The following GABRA4 variants were observed in gnomAD, a reference collection of about 807,000 sequenced individuals.
GABRA4 encodes the protein gamma-aminobutyric acid type A receptor subunit alpha4.
A neutral mutation model predicts 49.7 loss-of-function variants in GABRA4; 12 were observed. That is an observed-to-expected ratio of 0.24 (90% CI 0.15 to 0.39). GABRA4 has a LOEUF of 0.39. Ranked by LOEUF, GABRA4 falls within the 10% of genes least tolerant of loss-of-function variation. GABRA4 has a pLI of 1.00. For missense variants in GABRA4, 506 were observed against 686.0 expected (o/e 0.74, Z 2.93); for synonymous variants, 288 against 240.2 (o/e 1.20, Z -1.84).
intron 5 of GABRA4, among the ~76,000 whole-genome samples, chr4:46,975,580 A>G (rs1723112271): frequency 6.6e-6 from 1 of 151,828 alleles, no homozygotes; most frequent in South Asian, 2.1e-4. Flanking sequence ...TTACCTGCTG[A>G]GTATGGTGTG....
chr4:46,931,765 T>C (rs369937183), intron 8 of GABRA4, among the ~76,000 whole-genome samples: 467 of 152,258 alleles, frequency 3.1e-3, no homozygotes, highest in Non-Finnish European at 5.5e-3. Context: ...TAAGAACAGG[T>C]CAGCCTGGGC....
At chr4:46,957,617 G>A (rs1722412559) in intron 8 of GABRA4, among the ~76,000 whole-genome samples, 1 of 151,920 alleles carries the variant, frequency 6.6e-6, no homozygotes, top group Non-Finnish European at 1.5e-5. Flanking sequence ...GAATTAATTT[G>A]CTTCTTCATT....
intron 8 of GABRA4, among the ~76,000 whole-genome samples, chr4:46,956,954 G>A (rs1722388985): frequency 6.6e-6 from 1 of 151,952 alleles, no homozygotes; most frequent in Non-Finnish European, 1.5e-5. Context: ...CGCTAAATAA[G>A]TACAGCAATC....
rs1721037609 is a variant in GABRA4, at chr4:46,921,588, C to T, written c.*6637G>A. ...ATCCAGATTTAATCTAGGTTTAATG[C>T]TTGATTCCAGTGACATCTGATATAC... On this transcript the variant is annotated 3_prime_UTR_variant, in exon 9 of 9. Transcript: ENST00000264318. The T allele has an allele frequency of 6.6e-6, 1 of 152,010 alleles. No homozygotes were observed. Among genetic ancestry groups the T allele is most frequent in the African/African-American group, 2.4e-5 (1 of 41,408 alleles). 9.4% of individuals were successfully genotyped at this position (152,010 alleles called of 1,614,324 possible). A position where few individuals can be genotyped will look rare whatever the true frequency, so the allele number is the denominator to read the frequency against.
At chr4:46,981,954 A>T (rs1475636558) in intron 2 of GABRA4, among the ~76,000 whole-genome samples, 1 of 152,112 alleles carries the variant, frequency 6.6e-6, no homozygotes, top group Non-Finnish European at 1.5e-5. Context: ...AGGGACTAGA[A>T]AGGAGGCCAG....
intron 8 of GABRA4, among the ~76,000 whole-genome samples, chr4:46,934,895 G>A (rs1721556899): frequency 2.0e-5 from 3 of 152,146 alleles, no homozygotes; most frequent in Admixed American, 2.0e-4. Context: ...TTGTTCAAAT[G>A]CTACCTGAAA....
At chr4:46,958,823 T>C (rs1451205738) in intron 8 of GABRA4, among the ~76,000 whole-genome samples, 2 of 151,936 alleles carry the variant, frequency 1.3e-5, no homozygotes, top group African/African-American at 2.4e-5. Flanking sequence ...ATAGGTCACA[T>C]ATAGTGATGA....
chr4:46,954,277 C>G (rs1170500532), intron 8 of GABRA4, among the ~76,000 whole-genome samples: 1 of 152,038 alleles, frequency 6.6e-6, no homozygotes, highest in Non-Finnish European at 1.5e-5. Context: ...TGTTAAAGAG[C>G]CGGGCACAGT....
intron 8 of GABRA4, among the ~76,000 whole-genome samples, chr4:46,960,879 A>G (rs1006563307): frequency 4.0e-5 from 6 of 151,792 alleles, no homozygotes; most frequent in Admixed American, 2.0e-4. Flanking sequence ...TGACTCAATA[A>G]TTAGAAAATA....
chr4:46,954,959 A>C (rs1722290908), intron 8 of GABRA4, among the ~76,000 whole-genome samples: 1 of 152,148 alleles, frequency 6.6e-6, no homozygotes, highest in Non-Finnish European at 1.5e-5. Flanking sequence ...ACAACATAAC[A>C]ACAGATGGCA....
chr4:46,941,695 G>A (rs1175440616), intron 8 of GABRA4, among the ~76,000 whole-genome samples: 3 of 152,160 alleles, frequency 2.0e-5, no homozygotes, highest in South Asian at 2.1e-4. Context: ...ATGTATGAGA[G>A]CCTGTATTTT....
rs1466086777 is a variant in GABRA4 at position 46,961,588 on chromosome 4, T to C, written c.1134+3382A>G. ...TTGGCACAAATGTATATTTGTTGAA[T>C]GAGTGAATAAATCAATTAATGAATG... is the stretch of plus-strand genomic sequence containing the variant. On this transcript the variant is annotated intron_variant, in intron 8 of 8. Coordinates refer to ENST00000264318, the MANE Select transcript of GABRA4 (RefSeq NM_000809.4). Among the ~76,000 whole-genome samples, 3 of 151,912 alleles carry C rather than the reference T, an allele frequency of 2.0e-5. No homozygotes were observed. The South Asian group carries it at 6.2e-4, about 31-fold the overall frequency.
At chr4:46,992,593 C>T (rs188845561) in intron 2 of GABRA4, 66 of 532,518 alleles carry the variant, frequency 1.2e-4, no homozygotes, top group African/African-American at 1.1e-3. Context: ...AGTCAGGTCC[C>T]GGGAGGTAAT....
chr4:46,964,698 G>A (rs1463113685), intron 8 of GABRA4, among the ~76,000 whole-genome samples: 1 of 151,584 alleles, frequency 6.6e-6, no homozygotes, highest in Admixed American at 6.6e-5. Flanking sequence ...ATGGGATTTT[G>A]CCCCTTTCTG....
rs1721105505 is a variant in GABRA4 at position 46,923,409 on chromosome 4, A to G, written c.*4816T>C. 1 of 152,118 alleles carries G rather than the reference A, an allele frequency of 6.6e-6. No homozygotes were observed. Among genetic ancestry groups the G allele is most frequent in the Non-Finnish European group, 1.5e-5 (1 of 68,006 alleles). 9.4% of individuals were successfully genotyped at this position (152,118 alleles called of 1,614,324 possible). A position where few individuals can be genotyped will look rare whatever the true frequency, so the allele number is the denominator to read the frequency against. Reference sequence around the variant, plus strand: ...ATGTCATATTGGCTTCTACATTTATAAAACTCTGTCTTTTAATCAAGCAAT... The same window carrying G: ...ATGTCATATTGGCTTCTACATTTATGAAACTCTGTCTTTTAATCAAGCAAT... On this transcript the variant is annotated 3_prime_UTR_variant, in exon 9 of 9. Transcript: ENST00000264318.
At position 46,920,849 on chromosome 4, in the gene GABRA4, TA is replaced by T. The variant is rs1450862081; in HGVS notation, c.*7375del. On this transcript the variant is annotated 3_prime_UTR_variant, in exon 9 of 9. Coordinates refer to ENST00000264318, the MANE Select transcript of GABRA4 (RefSeq NM_000809.4). ...AATTAGTTTTAAATCTTAGTGTTAA[TA>T]TAGAATATATTTAATTTATCCTTTA... is the stretch of plus-strand genomic sequence containing the variant. The T allele has an allele frequency of 6.6e-6, 1 of 151,886 alleles. No homozygotes were observed. Among genetic ancestry groups the T allele is most frequent in the Non-Finnish European group, 1.5e-5 (1 of 67,782 alleles). 9.4% of individuals were successfully genotyped at this position (151,886 alleles called of 1,614,324 possible).
rs1226664672 is a variant in GABRA4 at position 46,922,544 on chromosome 4, TAA to T, written c.*5679_*5680del. 1 of 152,096 alleles carries T rather than the reference TAA, an allele frequency of 6.6e-6. No individual in the cohort carries two copies. Among genetic ancestry groups the T allele is most frequent in the African/African-American group, 2.4e-5 (1 of 41,444 alleles). 9.4% of individuals were successfully genotyped at this position (152,096 alleles called of 1,614,324 possible). On this transcript the variant is annotated 3_prime_UTR_variant, in exon 9 of 9. Coordinates refer to ENST00000264318, the MANE Select transcript of GABRA4 (RefSeq NM_000809.4). ...TCAAGAAATAGAGGAAGAGTTTATA[TAA>T]ATAGGTCTCTGTAGTCTCAAAAAAT...
rs1577739665 is a variant in GABRA4 at position 46,928,404 on chromosome 4, T to C, written c.1486A>G (p.Thr496Ala). Residue 496 changes from threonine to alanine, a missense_variant, in exon 9 of 9, where the codon ACT (threonine) becomes GCT (alanine). Thr to Ala is a moderately conservative substitution (Grantham distance 58). Transcript: ENST00000264318. ...GGAGGAGTAGCTGACAACTTCCCAG[T>C]AGCCCCTATGGTATTAACTGTGGTC... ...IKTTVNTIGA[T>A]GKLSATPPPS... 1.2e-6 allele frequency: 2 copies of C among 1,613,674 alleles called. No individual in the cohort carries two copies. The highest frequency in any genetic ancestry group is 1.3e-5 in the African/African-American group (1 of 75,022).
rs762676686 is a variant in GABRA4 at position 46,977,570 on chromosome 4, C to T, written c.334G>A (p.Gly112Ser). The T allele has an allele frequency of 4.8e-5, 78 of 1,612,876 alleles. No individual in the cohort carries two copies. The highest frequency in any genetic ancestry group is 1.2e-4 in the Admixed American group (7 of 59,924). ...TTCAATCTCAAAATTTCAATGGGGC[C>T]GTCATATTTTAATCTTTTGTCAATC... ...TWIDKRLKYDGPIEILRLNNM... is the reference protein window; with the variant it reads ...TWIDKRLKYDSPIEILRLNNM... The change falls in exon 4 of 9, where the codon GGC becomes AGC. Residue 112 changes from glycine (G) to serine (S), a missense_variant. Transcript: ENST00000264318.
Sources: gnomAD v4.1 joint callset for allele counts (sites outside exome capture counted in the v4.1 genomes callset) on GRCh38, gnomAD v4.1.1 for gene constraint, MANE v1.5 for transcripts, NCBI Gene and HGNC (gene_info 2026-07-23, HGNC 2026-07-21) for gene names.